The following SAMMSON variants were observed in gnomAD, a reference collection of about 807,000 sequenced individuals.
The protein encoded by SAMMSON is long intergenic non-protein coding RNA 1212.
chr3:70,431,113 CAT>C (rs1347604256), intron 2 of SAMMSON, among the ~76,000 whole-genome samples: 3 of 152,058 alleles, frequency 2.0e-5, no homozygotes, highest in Non-Finnish European at 4.4e-5. Flanking sequence ...AAAAAGCTTA[CAT>C]GAGACCATAA....
intron 4 of SAMMSON, among the ~76,000 whole-genome samples, chr3:70,228,885 G>A (rs980521811): frequency 1.3e-5 from 2 of 152,038 alleles, no homozygotes; most frequent in Admixed American, 1.3e-4. Context: ...GGCAGACTAT[G>A]TAGTACGTGA....
At chr3:70,396,765 A>G (rs1032193666) in intron 2 of SAMMSON, among the ~76,000 whole-genome samples, 4 of 152,180 alleles carry the variant, frequency 2.6e-5, no homozygotes, top group Non-Finnish European at 5.9e-5. Context: ...TCCAGTTCCA[A>G]AACGCTGATT....
At chr3:70,224,547 CA>C (rs1024290846) in intron 4 of SAMMSON, among the ~76,000 whole-genome samples, 11 of 152,268 alleles carry the variant, frequency 7.2e-5, no homozygotes, top group African/African-American at 2.4e-4. Context: ...ACATTTAACA[CA>C]ACACTATAAT....
At chr3:70,250,484 G>T (rs7612382) in intron 6 of SAMMSON, among the ~76,000 whole-genome samples, 148,808 of 151,820 alleles carry the variant, frequency 0.98, 72,976 homozygotes, top group Non-Finnish European at 1. Context: ...CCAACGAGAT[G>T]TAAATCAACT....
intron 4 of SAMMSON, chr3:70,072,096 CCTTT>C (rs1312530010): frequency 6.6e-6 from 1 of 151,940 alleles, no homozygotes; most frequent in Non-Finnish European, 1.5e-5. Flanking sequence ...CTTTCTTTCT[CCTTT>C]CTCTCTTCCT....
intron 6 of SAMMSON, among the ~76,000 whole-genome samples, chr3:70,265,943 T>C (rs1026474910): frequency 6.6e-6 from 1 of 152,154 alleles, no homozygotes; most frequent in Admixed American, 6.5e-5. Flanking sequence ...TACCTCCACC[T>C]GGTCTCCCCC....
At chr3:70,016,263 G>T (rs1416965229) in intron 3 of SAMMSON, among the ~76,000 whole-genome samples, 1 of 152,100 alleles carries the variant, frequency 6.6e-6, no homozygotes, top group Non-Finnish European at 1.5e-5. Context: ...ATTCTAACTG[G>T]TGTGAGATGG....
At chr3:70,360,083 C>T (rs1026548723) in intron 9 of SAMMSON, among the ~76,000 whole-genome samples, 6 of 152,074 alleles carry the variant, frequency 3.9e-5, no homozygotes, top group African/African-American at 1.4e-4. Flanking sequence ...ATTTTATTCA[C>T]CATCTCCTTT....
chr3:70,386,778 A>G (rs1680337471), intron 9 of SAMMSON, among the ~76,000 whole-genome samples: 1 of 152,092 alleles, frequency 6.6e-6, no homozygotes, highest in South Asian at 2.1e-4. Flanking sequence ...AACAGATAAT[A>G]TAGGGTAAAG....
chr3:70,074,472 T>C (rs545640231), intron 4 of SAMMSON, among the ~76,000 whole-genome samples: 59 of 152,256 alleles, frequency 3.9e-4, no homozygotes, highest in African/African-American at 1.4e-3. Context: ...TTGTACTGTA[T>C]TAGAGACAAA....
intron 4 of SAMMSON, among the ~76,000 whole-genome samples, chr3:70,162,621 G>A (rs1204760742): frequency 6.6e-6 from 1 of 151,830 alleles, no homozygotes; most frequent in Non-Finnish European, 1.5e-5. Flanking sequence ...TTTTTGGGTG[G>A]AATGCTCTCT....
chr3:70,131,626 G>T (rs2067483195), intron 4 of SAMMSON, among the ~76,000 whole-genome samples: 1 of 152,178 alleles, frequency 6.6e-6, no homozygotes, highest in African/African-American at 2.4e-5. Context: ...TCGCTTTGCT[G>T]CTGGAGCCCA....
chr3:70,306,905 C>T (rs1304296354), intron 7 of SAMMSON, among the ~76,000 whole-genome samples: 2 of 151,888 alleles, frequency 1.3e-5, no homozygotes, highest in Non-Finnish European at 2.9e-5. Context: ...TATGTATATG[C>T]ATATATATGT....
intron 7 of SAMMSON, among the ~76,000 whole-genome samples, chr3:70,339,661 C>T (rs953953546): frequency 3.9e-5 from 6 of 152,116 alleles, no homozygotes; most frequent in African/African-American, 1.4e-4. Context: ...AAATGTTCAT[C>T]GTCACTGGCC....
At chr3:70,163,354 T>TAG (rs71626390) in intron 4 of SAMMSON, among the ~76,000 whole-genome samples, 7,849 of 147,934 alleles carry the variant, frequency 0.053, 223 homozygotes, top group African/African-American at 0.054. Flanking sequence ...TATATATATA[T>TAG]AGAGAGAGAG....
intron 7 of SAMMSON, among the ~76,000 whole-genome samples, chr3:70,347,209 G>A (rs1702758760): frequency 6.6e-6 from 1 of 152,214 alleles, no homozygotes; most frequent in Non-Finnish European, 1.5e-5. Context: ...GCAGTGGCAA[G>A]TACAAAAATT....
intron 7 of SAMMSON, among the ~76,000 whole-genome samples, chr3:70,341,609 G>A (rs1182598696): frequency 6.6e-6 from 1 of 152,094 alleles, no homozygotes; most frequent in Non-Finnish European, 1.5e-5. Context: ...TATATAAGAA[G>A]ACAAAACCTC....
intron 7 of SAMMSON, among the ~76,000 whole-genome samples, chr3:70,312,188 G>C (rs1038220025): frequency 2.6e-5 from 4 of 151,948 alleles, no homozygotes; most frequent in Admixed American, 6.6e-5. Context: ...ATATTTCTTT[G>C]CCCAGCAACA....
chr3:70,234,238 TA>T (rs1313436351), intron 4 of SAMMSON, among the ~76,000 whole-genome samples: 1 of 152,192 alleles, frequency 6.6e-6, no homozygotes, highest in Non-Finnish European at 1.5e-5. Context: ...GGTTGACACC[TA>T]AAAAATACAT....
Sources: allele counts gnomAD v4.1 joint callset (sites outside exome capture counted in the v4.1 genomes callset), GRCh38; gene constraint gnomAD v4.1.1; transcripts MANE v1.5; gene names NCBI Gene and HGNC (gene_info 2026-07-23, HGNC 2026-07-21).